The following STPG2 variants were observed in gnomAD, a reference collection of about 807,000 sequenced individuals.
STPG2 encodes sperm-tail PG-rich repeat-containing protein 2.
STPG2 carries 56 observed loss-of-function variants against 54.2 expected under a neutral mutation model. That is an observed-to-expected ratio of 1.03 (90% CI 0.83 to 1.29). The LOEUF (loss-of-function observed/expected upper bound fraction) is 1.29, where lower values mean the gene tolerates loss of function less well. STPG2 is among the 50% of genes most tolerant of loss of function. STPG2 has a pLI of 0.00. For synonymous variants in STPG2, 200 were observed against 181.8 expected (o/e 1.10, Z -0.81); for missense variants, 596 against 544.9 (o/e 1.09, Z -0.93).
intron 10 of STPG2, among the ~76,000 whole-genome samples, chr4:97,680,036 A>G (rs1325985554): frequency 6.6e-6 from 1 of 152,148 alleles, no homozygotes; most frequent in African/African-American, 2.4e-5. Flanking sequence ...GTAGCCTTGT[A>G]GTATAGTTTG....
At chr4:97,972,572 T>C in intron 6 of STPG2, 132 bp from the exon 7 acceptor site, 1 of 503,930 alleles carries the variant, frequency 2.0e-6, no homozygotes, top group South Asian at 6.0e-5. Context: ...AAATGTAAAA[T>C]GGCATAGTCG....
chr4:98,117,908 T>C (rs1182403436), intron 3 of STPG2, among the ~76,000 whole-genome samples: 2 of 152,112 alleles, frequency 1.3e-5, no homozygotes, highest in African/African-American at 4.8e-5. Context: ...AAAAATTTTA[T>C]CTAAGAAGTC....
intron 8 of STPG2, among the ~76,000 whole-genome samples, chr4:97,904,810 G>T (rs943599617): frequency 1.3e-5 from 2 of 152,224 alleles, no homozygotes; most frequent in African/African-American, 4.8e-5. Flanking sequence ...CGTGAAGAAT[G>T]CAGAAGGCTC....
chr4:97,859,914 T>C (rs1729463053), intron 8 of STPG2, among the ~76,000 whole-genome samples: 1 of 152,248 alleles, frequency 6.6e-6, no homozygotes, highest in African/African-American at 2.4e-5. Context: ...AGGTAAGAGA[T>C]GAAGATCCAG....
chr4:97,973,094 G>T (rs888375573), intron 6 of STPG2, among the ~76,000 whole-genome samples: 5 of 152,176 alleles, frequency 3.3e-5, no homozygotes, highest in African/African-American at 1.2e-4. Context: ...AGTTTAGAAG[G>T]CTCAGAAGAA....
intron 4 of STPG2, among the ~76,000 whole-genome samples, chr4:97,473,944 G>A (rs368103795): frequency 6.6e-6 from 1 of 152,182 alleles, no homozygotes; most frequent in East Asian, 1.9e-4. Flanking sequence ...AGGTTAGGGA[G>A]GAAGGAGGTG....
chr4:97,918,810 C>A (rs1316285220), intron 8 of STPG2, among the ~76,000 whole-genome samples: 1 of 151,864 alleles, frequency 6.6e-6, no homozygotes, highest in African/African-American at 2.4e-5. Context: ...TCTGGAAACT[C>A]GGGGGAAGGG....
At chr4:97,843,177 T>A (rs1465033763) in intron 8 of STPG2, among the ~76,000 whole-genome samples, 1 of 151,006 alleles carries the variant, frequency 6.6e-6, no homozygotes, top group Non-Finnish European at 1.5e-5. Context: ...TTTTGGTGGT[T>A]TTTTTTTTCT....
intron 9 of STPG2, among the ~76,000 whole-genome samples, chr4:97,785,068 C>T (rs1578561938): frequency 6.6e-6 from 1 of 151,952 alleles, no homozygotes; most frequent in East Asian, 1.9e-4. Flanking sequence ...TTATACTTTT[C>T]TGTACCTTGC....
intron 10 of STPG2, among the ~76,000 whole-genome samples, chr4:97,607,712 G>C (rs1733630121): frequency 6.6e-6 from 1 of 152,004 alleles, no homozygotes. Flanking sequence ...TCAAATATGT[G>C]TCAGAAGAGA....
At chr4:97,872,758 GT>G (rs1211829252) in intron 8 of STPG2, among the ~76,000 whole-genome samples, 1 of 151,028 alleles carries the variant, frequency 6.6e-6, no homozygotes, top group Non-Finnish European at 1.5e-5. Context: ...ACAGATTCCT[GT>G]TTTTTTCTAT....
chr4:97,988,700 G>A (rs531718335), intron 5 of STPG2, among the ~76,000 whole-genome samples: 2 of 152,282 alleles, frequency 1.3e-5, no homozygotes, highest in South Asian at 2.1e-4. Flanking sequence ...TCCGCCTCCC[G>A]TGCTCAAGCA....
At chr4:98,121,203 T>C (rs1415030018) in intron 3 of STPG2, among the ~76,000 whole-genome samples, 1 of 152,200 alleles carries the variant, frequency 6.6e-6, no homozygotes, top group Non-Finnish European at 1.5e-5. Context: ...GAAGATCAGA[T>C]ATGCAATGTT....
chr4:98,106,430 T>G (rs910692486), intron 4 of STPG2, among the ~76,000 whole-genome samples: 1 of 152,024 alleles, frequency 6.6e-6, no homozygotes, highest in Non-Finnish European at 1.5e-5. Flanking sequence ...AAGAGGAAAA[T>G]AGCCCTATGC....
chr4:98,001,132 T>C (rs1019137180), intron 5 of STPG2, among the ~76,000 whole-genome samples: 6 of 152,110 alleles, frequency 3.9e-5, no homozygotes, highest in African/African-American at 1.4e-4. Context: ...GTCAAAAATT[T>C]AATATCGTAA....
rs1399181221 is a variant in STPG2 at position 97,797,370 on chromosome 4, C to A, written c.1204+43403G>T. The stretch of plus-strand genomic sequence containing the variant: ...ATTTTGAGACATGCCCCATCAATAC[C>A]TAATTTCTTGAGAGTTTTTAGCATG... On this transcript the variant is annotated intron_variant, in intron 9 of 10. Transcript: ENST00000295268. Among the ~76,000 whole-genome samples the A allele has an allele frequency of 3.9e-5, 6 of 152,104 alleles. No homozygotes were observed. In the South Asian group the frequency reaches 1.0e-3, roughly 26 times the overall value.
At chr4:97,755,289 A>T (rs189173047) in intron 9 of STPG2, among the ~76,000 whole-genome samples, 6 of 152,322 alleles carry the variant, frequency 3.9e-5, no homozygotes, top group Non-Finnish European at 7.4e-5. Flanking sequence ...TGTAACTGCA[A>T]GCAGAGTCTA....
intron 8 of STPG2, among the ~76,000 whole-genome samples, chr4:97,914,110 T>A (rs1578684893): frequency 6.6e-6 from 1 of 152,292 alleles, no homozygotes; most frequent in Non-Finnish European, 1.5e-5. Context: ...CTGAACTGGA[T>A]ACACACAGTG....
At chr4:97,969,298 G>A (rs562675321) in intron 7 of STPG2, among the ~76,000 whole-genome samples, 34 of 152,236 alleles carry the variant, frequency 2.2e-4, no homozygotes, top group South Asian at 8.3e-4. Context: ...ACACTATGTC[G>A]TAAATTCTTA....
Sources: gnomAD v4.1 joint callset for allele counts (sites outside exome capture counted in the v4.1 genomes callset) on GRCh38, gnomAD v4.1.1 for gene constraint, MANE v1.5 for transcripts, NCBI Gene and HGNC (gene_info 2026-07-23, HGNC 2026-07-21) for gene names.